SH3RF3: variants seen among roughly 807,000 people sequenced by gnomAD.
SH3RF3 encodes the protein SH3 domain containing ring finger 3.
SH3RF3 carries 29 observed loss-of-function variants against 66.3 expected under a neutral mutation model. The observed-to-expected ratio is 0.44, with a 90% CI of 0.33 to 0.60. The LOEUF is 0.60. Ranked by LOEUF, SH3RF3 falls within the 20% of genes least tolerant of loss-of-function variation. SH3RF3 has a pLI of 0.04. For synonymous variants in SH3RF3, 583 were observed against 532.0 expected, an observed-to-expected ratio of 1.10 and a Z score of -1.32; for missense variants, 1,194 against 1,190.9, an observed-to-expected ratio of 1.00 and a Z score of -0.04.
At chr2:109,176,409 G>A (rs1677915773) in intron 1 of SH3RF3, among the ~76,000 whole-genome samples, 1 of 152,166 alleles carries the variant, frequency 6.6e-6, no homozygotes, top group Non-Finnish European at 1.5e-5. Flanking sequence ...GTTTTTAGGA[G>A]CCCAATAGTT....
chr2:109,501,528 C>T lies in SH3RF3; in HGVS notation c.2506C>T (p.Pro836Ser), dbSNP rs1324948884. 1.3e-6 allele frequency: 1 copy of T among 779,216 alleles called. No homozygotes were observed. The highest frequency in any genetic ancestry group is 2.4e-6 in the Non-Finnish European group (1 of 417,348). The allele number at this position is 779,216 out of a possible 1,614,324, so 48.3% of individuals were successfully genotyped here. ...GTACCGCGTGGTGGTCTCGTACCCA[C>T]CCCAGAGTGAGGCGGAGATCGAGCT... is the stretch of plus-strand genomic sequence containing the variant. Reference protein sequence around the residue: ...ERYRVVVSYPPQSEAEIELKE... With the variant: ...ERYRVVVSYPSQSEAEIELKE... The change falls in exon 10 of 10, where the codon CCC (proline) becomes TCC (serine). Residue 836 changes from proline (P) to serine (S), a missense_variant. Transcript: ENST00000309415.
At chr2:109,493,324 A>G (rs1356409349) in intron 9 of SH3RF3, among the ~76,000 whole-genome samples, 7 of 147,236 alleles carry the variant, frequency 4.8e-5, no homozygotes, top group East Asian at 2.1e-4. Flanking sequence ...TACGTACACC[A>G]TACAAACACA....
At chr2:109,239,670 G>A (rs891612116) in intron 1 of SH3RF3, among the ~76,000 whole-genome samples, 1 of 152,172 alleles carries the variant, frequency 6.6e-6, no homozygotes, top group Non-Finnish European at 1.5e-5. Flanking sequence ...ATTTTTAAGA[G>A]CTTTCTTGGT....
At chr2:109,413,417 C>T (rs935965836) in intron 4 of SH3RF3, among the ~76,000 whole-genome samples, 1 of 152,164 alleles carries the variant, frequency 6.6e-6, no homozygotes, top group Non-Finnish European at 1.5e-5. Flanking sequence ...CCAGGCCTGT[C>T]TGGTTATTTT....
chr2:109,400,170 C>G (rs538033580), intron 4 of SH3RF3, among the ~76,000 whole-genome samples: 1 of 152,178 alleles, frequency 6.6e-6, no homozygotes, highest in African/African-American at 2.4e-5. Flanking sequence ...GCCATGTAAT[C>G]TAGATGTGCC....
intron 1 of SH3RF3, among the ~76,000 whole-genome samples, chr2:109,166,473 A>AAAG (rs1366702177): frequency 1.3e-5 from 2 of 150,578 alleles, no homozygotes; most frequent in African/African-American, 2.5e-5. Flanking sequence ...AAAAAAAAAA[A>AAAG]AGAAAGAAAG....
At chr2:109,259,750 T>A (rs1421603395) in intron 1 of SH3RF3, among the ~76,000 whole-genome samples, 1 of 152,244 alleles carries the variant, frequency 6.6e-6, no homozygotes, top group African/African-American at 2.4e-5. Context: ...TCATGGAGGC[T>A]TCACGTAGGT....
At chr2:109,445,373 A>G (rs1677676224) in intron 7 of SH3RF3, among the ~76,000 whole-genome samples, 1 of 152,258 alleles carries the variant, frequency 6.6e-6, no homozygotes, top group African/African-American at 2.4e-5. Flanking sequence ...ATCCAAGCCT[A>G]AACATGCTGA....
chr2:109,492,975 G>A (rs1388008021), intron 9 of SH3RF3, among the ~76,000 whole-genome samples: 2 of 143,610 alleles, frequency 1.4e-5, no homozygotes, highest in African/African-American at 5.1e-5. Flanking sequence ...TTGGGGGACT[G>A]GGTTCACACT....
intron 8 of SH3RF3, among the ~76,000 whole-genome samples, chr2:109,466,364 A>G (rs531113743): frequency 3.3e-5 from 5 of 152,308 alleles, no homozygotes; most frequent in African/African-American, 9.6e-5. Flanking sequence ...TATAGGCGTG[A>G]GTCCTGCGCC....
chr2:109,279,169 G>A (rs753879335), intron 1 of SH3RF3, among the ~76,000 whole-genome samples: 5 of 152,138 alleles, frequency 3.3e-5, no homozygotes, highest in African/African-American at 1.2e-4. Context: ...GCTGTGGTCC[G>A]GATTCCATGC....
At chr2:109,433,278 C>A (rs1677298877) in intron 6 of SH3RF3, among the ~76,000 whole-genome samples, 1 of 152,346 alleles carries the variant, frequency 6.6e-6, no homozygotes, top group South Asian at 2.1e-4. Context: ...AAAATGATAT[C>A]TTCCCAAAGG....
At chr2:109,215,184 G>C (rs1161494448) in intron 1 of SH3RF3, among the ~76,000 whole-genome samples, 1 of 152,138 alleles carries the variant, frequency 6.6e-6, no homozygotes, top group Non-Finnish European at 1.5e-5. Context: ...CTCAATTATG[G>C]AATAAGAAGT....
At chr2:109,190,198 A>C (rs1361640175) in intron 1 of SH3RF3, among the ~76,000 whole-genome samples, 1 of 150,430 alleles carries the variant, frequency 6.6e-6, no homozygotes. Context: ...TTTGAGACGG[A>C]GTCTCACTCT....
chr2:109,305,666 A>T (rs1026556142), intron 1 of SH3RF3, among the ~76,000 whole-genome samples: 1 of 152,228 alleles, frequency 6.6e-6, no homozygotes, highest in Non-Finnish European at 1.5e-5. Flanking sequence ...GCATTCGCTC[A>T]GTTCCACTGC....
At chr2:109,350,163 C>A (rs1056711627) in intron 2 of SH3RF3, among the ~76,000 whole-genome samples, 1 of 152,216 alleles carries the variant, frequency 6.6e-6, no homozygotes, top group Non-Finnish European at 1.5e-5. Context: ...GGCTTAGACT[C>A]ATTCTGCGGT....
chr2:109,313,210 A>G (rs1051489468), intron 1 of SH3RF3, among the ~76,000 whole-genome samples: 3 of 152,194 alleles, frequency 2.0e-5, no homozygotes, highest in Non-Finnish European at 4.4e-5. Flanking sequence ...GAGCTTGTCT[A>G]TGCCAGCATC....
chr2:109,485,818 G>A (rs1265787913), intron 8 of SH3RF3, among the ~76,000 whole-genome samples: 3 of 152,380 alleles, frequency 2.0e-5, no homozygotes, highest in African/African-American at 7.2e-5. Context: ...CTGGGCACAG[G>A]GATGCTTTCA....
intron 1 of SH3RF3, among the ~76,000 whole-genome samples, chr2:109,268,453 G>C (rs551680591): frequency 9.9e-5 from 15 of 152,222 alleles, no homozygotes; most frequent in Admixed American, 3.9e-4. Context: ...AGGGGCCCAG[G>C]AGTGTGGCTG....
Sources: allele counts gnomAD v4.1 joint callset (sites outside exome capture counted in the v4.1 genomes callset), GRCh38; gene constraint gnomAD v4.1.1; transcripts MANE v1.5; gene names NCBI Gene and HGNC (gene_info 2026-07-23, HGNC 2026-07-21).